The following GYPC variants were observed in gnomAD, a reference collection of about 807,000 sequenced individuals.
GYPC encodes the protein glycophorin-C.
A neutral mutation model predicts 12.6 loss-of-function variants in GYPC; 14 were observed. That is an observed-to-expected ratio of 1.11 (90% CI 0.74 to 1.74). The LOEUF is 1.74. Ranked by LOEUF, GYPC falls within the 40% of genes most tolerant of loss-of-function variation. The probability of loss-of-function intolerance (pLI) is 0.00; values close to 1 mark genes in which losing one functional copy is unlikely to be tolerated. For synonymous variants in GYPC, 78 were observed against 62.1 expected (o/e 1.26, Z -1.20); for missense variants, 225 against 172.1 (o/e 1.31, Z -1.72).
chr2:126,681,340 A>G (rs770921496), intron 1 of GYPC, among the ~76,000 whole-genome samples: 2 of 152,238 alleles, frequency 1.3e-5, no homozygotes, highest in Non-Finnish European at 2.9e-5. Context: ...ATACTGGGTC[A>G]TATGGGGGTA....
At position 126,696,436 on chromosome 2, in the gene GYPC, GACA is replaced by G. The variant is rs1458319063; in HGVS notation, c.*298_*300del. Reference sequence around the variant, plus strand: ...ACATGGGGCCCCCTGGGCAGTGCAGGACAACATCAGCTCACTGGCAGGAAAGTC... The same window carrying G: ...ACATGGGGCCCCCTGGGCAGTGCAGGACATCAGCTCACTGGCAGGAAAGTC... On this transcript the variant is annotated 3_prime_UTR_variant, in exon 4 of 4. Transcript: ENST00000259254. The G allele has an allele frequency of 2.3e-6, 1 of 427,170 alleles. No individual in the cohort carries two copies. The highest frequency in any genetic ancestry group is 2.0e-5 in the African/African-American group (1 of 49,392). The allele number at this position is 427,170 out of a possible 1,614,324, so 26.5% of individuals were successfully genotyped here.
intron 3 of GYPC, among the ~76,000 whole-genome samples, chr2:126,695,100 G>T (rs1438531025): frequency 6.6e-6 from 1 of 152,208 alleles, no homozygotes; most frequent in Non-Finnish European, 1.5e-5. Flanking sequence ...GGGAATGGGA[G>T]CAGGGTAGGG....
In GYPC at chr2:126,685,397, T is replaced by A. The variant is rs568649919; in HGVS notation, c.50-4858T>A. Among the ~76,000 whole-genome samples the A allele has an allele frequency of 2.2e-4, 34 of 152,056 alleles. 1 individual carries two copies. In the South Asian group the frequency reaches 7.1e-3, roughly 32 times the overall value. On this transcript the variant is annotated intron_variant, in intron 1 of 3. Coordinates refer to ENST00000259254, the MANE Select transcript of GYPC (RefSeq NM_002101.5). ...ATTGACTTTTCTTTCTTTCTTTTTT[T>A]TTTTTGAGAGGGATTCTCACTCTGT... is the stretch of plus-strand genomic sequence containing the variant.
chr2:126,671,478 T>A (rs1418225108), intron 1 of GYPC, among the ~76,000 whole-genome samples: 1 of 152,216 alleles, frequency 6.6e-6, no homozygotes, highest in East Asian at 1.9e-4. Context: ...AGCTGTGCAC[T>A]TGCATGCTTC....
chr2:126,677,398 T>C (rs542703995), intron 1 of GYPC, among the ~76,000 whole-genome samples: 1 of 151,124 alleles, frequency 6.6e-6, no homozygotes, highest in Admixed American at 6.6e-5. Flanking sequence ...TTTATTAGTG[T>C]GTTAGAGTGT....
chr2:126,664,030 G>T (rs1019329470), intron 1 of GYPC, among the ~76,000 whole-genome samples: 1 of 146,518 alleles, frequency 6.8e-6, no homozygotes, highest in Non-Finnish European at 1.5e-5. Context: ...GCCTTTTCCA[G>T]CTTTTCCAGG....
intron 1 of GYPC, chr2:126,657,647 A>G (rs1348769220): frequency 6.6e-6 from 1 of 152,154 alleles, no homozygotes; most frequent in Non-Finnish European, 1.5e-5. Flanking sequence ...CATTATTCCA[A>G]TTCAGTCACT....
intron 1 of GYPC, among the ~76,000 whole-genome samples, chr2:126,685,473 C>T (rs1371867025): frequency 6.6e-6 from 1 of 152,126 alleles, no homozygotes; most frequent in South Asian, 2.1e-4. Context: ...CAACCTCCAC[C>T]TCCCAGGTTC....
At chr2:126,660,215 C>T (rs1682498141) in intron 1 of GYPC, among the ~76,000 whole-genome samples, 1 of 152,236 alleles carries the variant, frequency 6.6e-6, no homozygotes, top group Non-Finnish European at 1.5e-5. Context: ...CCGCCTGCCT[C>T]CCCCAGCTCC....
intron 1 of GYPC, among the ~76,000 whole-genome samples, chr2:126,664,972 T>A (rs1573557682): frequency 1.3e-5 from 2 of 152,268 alleles, no homozygotes; most frequent in East Asian, 3.9e-4. Context: ...TCTCTCTCTC[T>A]CTCTCTGTGT....
intron 1 of GYPC, among the ~76,000 whole-genome samples, chr2:126,665,791 T>C (rs1682663079): frequency 1.3e-5 from 2 of 152,222 alleles, no homozygotes; most frequent in African/African-American, 4.8e-5. Context: ...CCTTTAATGC[T>C]GAAGGCATCA....
chr2:126,673,755 G>A (rs1682917365), intron 1 of GYPC, among the ~76,000 whole-genome samples: 1 of 152,154 alleles, frequency 6.6e-6, no homozygotes, highest in Non-Finnish European at 1.5e-5. Flanking sequence ...CTTAAACACT[G>A]CCAGATCCTC....
intron 1 of GYPC, among the ~76,000 whole-genome samples, chr2:126,666,813 C>T (rs17690541): frequency 0.29 from 43,656 of 151,234 alleles, 7,772 homozygotes; most frequent in Non-Finnish European, 0.41. Context: ...CATCTCCTTG[C>T]GTTTCTTAGC....
chr2:126,668,260 A>G (rs1321141337), intron 1 of GYPC, among the ~76,000 whole-genome samples: 4 of 152,242 alleles, frequency 2.6e-5, no homozygotes, highest in Admixed American at 1.3e-4. Flanking sequence ...CTAGAAATAC[A>G]TAAGAGATAA....
chr2:126,661,455 CT>C (rs55662976), intron 1 of GYPC, among the ~76,000 whole-genome samples: 7,398 of 145,048 alleles, frequency 0.051, 181 homozygotes, highest in African/African-American at 0.067. Flanking sequence ...CTCTCTCTCT[CT>C]TTTTTTTTTT....
chr2:126,692,095 T>C (rs937502326), intron 2 of GYPC, among the ~76,000 whole-genome samples: 3 of 152,174 alleles, frequency 2.0e-5, no homozygotes, highest in Non-Finnish European at 2.9e-5. Flanking sequence ...GTTCACTCTA[T>C]ATAATAAAGT....
intron 1 of GYPC, among the ~76,000 whole-genome samples, chr2:126,672,105 G>C (rs1261406398): frequency 6.6e-6 from 1 of 152,140 alleles, no homozygotes; most frequent in Non-Finnish European, 1.5e-5. Context: ...ACTGAGAGAT[G>C]CAGGTGGACA....
intron 1 of GYPC, among the ~76,000 whole-genome samples, chr2:126,667,685 G>A (rs1465488678): frequency 4.6e-5 from 7 of 152,208 alleles, no homozygotes; most frequent in African/African-American, 7.2e-5. Context: ...TTACAGGCAT[G>A]AGCCACCACG....
At chr2:126,689,354 C>T (rs1422687617) in intron 1 of GYPC, among the ~76,000 whole-genome samples, 1 of 152,172 alleles carries the variant, frequency 6.6e-6, no homozygotes, top group African/African-American at 2.4e-5. Context: ...CCAATAACAC[C>T]AGGCACCTCA....
Sources: gnomAD v4.1 joint callset for allele counts (sites outside exome capture counted in the v4.1 genomes callset) on GRCh38, gnomAD v4.1.1 for gene constraint, MANE v1.5 for transcripts, NCBI Gene and HGNC (gene_info 2026-07-23, HGNC 2026-07-21) for gene names.